The following ADGRD1 variants were observed in gnomAD, a reference collection of about 807,000 sequenced individuals.
ADGRD1 encodes the protein G-protein coupled receptor 133.
ADGRD1 carries 77 observed loss-of-function variants against 113.4 expected under a neutral mutation model. That is an observed-to-expected ratio of 0.68 (90% CI 0.57 to 0.82). ADGRD1 has a LOEUF of 0.82. Ranked by LOEUF, ADGRD1 falls within the 40% of genes least tolerant of loss-of-function variation. The pLI, the probability that ADGRD1 is intolerant of heterozygous loss-of-function variation, is 0.00. For synonymous variants in ADGRD1, 474 were observed against 475.0 expected, an observed-to-expected ratio of 1.00 and a Z score of 0.03; for missense variants, 1,036 against 1,139.1, an observed-to-expected ratio of 0.91 and a Z score of 1.30.
intron 13 of ADGRD1, among the ~76,000 whole-genome samples, chr12:131,039,252 C>T (rs1438866085): frequency 2.6e-5 from 4 of 152,048 alleles, no homozygotes; most frequent in Non-Finnish European, 4.4e-5. Context: ...CCCGCTGAGC[C>T]GGGACGGTGC....
In ADGRD1 at chr12:131,003,644, C is replaced by T. The variant is rs2136735305; in HGVS notation, c.1144+342C>T. Among the ~76,000 whole-genome samples, 1 of 152,336 alleles carries T rather than the reference C, an allele frequency of 6.6e-6. No homozygotes were observed. The highest frequency in any genetic ancestry group is 1.9e-4 in the East Asian group (1 of 5,182). ...GCCTCGGGTTTCTGGCGTCAGCTTG[C>T]TCTCAGCTGGGCTCCAGGGTAATTG... is the stretch of plus-strand genomic sequence containing the variant. On this transcript the variant is annotated intron_variant, in intron 10 of 24. Transcript: ENST00000261654. The surrounding 1 kb of genome is among the most constrained non-coding windows in gnomAD (Gnocchi z 4.8).
intron 8 of ADGRD1, among the ~76,000 whole-genome samples, chr12:130,999,125 A>T (rs1412330303): frequency 1.3e-5 from 2 of 152,206 alleles, no homozygotes; most frequent in East Asian, 3.8e-4. Flanking sequence ...GGCCCATATT[A>T]TGTTTCTGTG....
chr12:131,062,324 GA>G (rs1884397295), intron 13 of ADGRD1, among the ~76,000 whole-genome samples: 1 of 152,166 alleles, frequency 6.6e-6, no homozygotes, highest in African/African-American at 2.4e-5. Flanking sequence ...TTTGCCCACT[GA>G]AGGATGTTTT....
rs1880085266 is a variant in ADGRD1 at position 131,027,365 on chromosome 12, C to T, written c.1473+13025C>T. 6.6e-6 allele frequency: 1 copy of T among 152,154 alleles called. No individual in the cohort carries two copies. Among genetic ancestry groups the T allele is most frequent in the African/African-American group, 2.4e-5 (1 of 41,422 alleles). The allele number at this position is 152,154 out of a possible 1,614,324, so 9.4% of individuals were successfully genotyped here. A position where few individuals can be genotyped will look rare whatever the true frequency, so the allele number is the denominator to read the frequency against. ...TTCTGCTATCCGTGCCGTTTCGCAG[C>T]TTCAGTTTTTAAATTTACCATGTCT... On this transcript the variant is annotated intron_variant, in intron 13 of 24. Coordinates refer to ENST00000261654, the MANE Select transcript of ADGRD1 (RefSeq NM_198827.5). The surrounding 1 kb of genome is among the most constrained non-coding windows in gnomAD (Gnocchi z 5.1).
In ADGRD1 at chr12:131,084,623, T is replaced by C. The variant is rs1249405984; in HGVS notation, c.1631T>C (p.Leu544Pro). The C allele has an allele frequency of 2.5e-6, 4 of 1,614,076 alleles. No homozygotes were observed. Among genetic ancestry groups the C allele is most frequent in the East Asian group, 2.2e-5 (1 of 44,870 alleles). The change falls in exon 15 of 25, where the codon CTC becomes CCC. Residue 544 changes from leucine to proline, a missense_variant. Leu to Pro is a moderately conservative substitution (Grantham distance 98, BLOSUM62 -3). Transcript: ENST00000261654. The surrounding 1 kb of genome is among the most constrained non-coding windows in gnomAD (Gnocchi z 4.5). ...LTYSVCRCTH[L>P]TNFAILMQVV... Reference sequence around the variant, plus strand: ...TACTCCGTCTGCCGCTGCACTCACCTCACCAACTTTGCCATCCTCATGCAG... The same window carrying C: ...TACTCCGTCTGCCGCTGCACTCACCCCACCAACTTTGCCATCCTCATGCAG...
intron 12 of ADGRD1, among the ~76,000 whole-genome samples, chr12:131,010,504 A>C (rs1450936945): frequency 6.6e-6 from 1 of 152,108 alleles, no homozygotes; most frequent in East Asian, 1.9e-4. Context: ...TGAGTTCCTG[A>C]GCCGGTCTTC....
rs1250495148 is a variant in ADGRD1 at position 131,137,962 on chromosome 12, G to T, written c.2437-175G>T. 13 of 618,004 alleles carry T rather than the reference G, an allele frequency of 2.1e-5. No homozygotes were observed. In the Admixed American group the frequency reaches 3.1e-4, roughly 15 times the overall value. The allele number at this position is 618,004 out of a possible 1,614,324, so 38.3% of individuals were successfully genotyped here. A position where few individuals can be genotyped will look rare whatever the true frequency, so the allele number is the denominator to read the frequency against. ...CTGGCCTGCGATACAACCTGGCTCTGCCCCACAGAGCAGCGATGCACAGCT... is the reference window on the plus strand; with the variant it reads ...CTGGCCTGCGATACAACCTGGCTCTTCCCCACAGAGCAGCGATGCACAGCT... On this transcript the variant is annotated intron_variant, in intron 23 of 24. Transcript: ENST00000261654.
chr12:130,989,083 C>T (rs933278792), intron 6 of ADGRD1: 1 of 152,194 alleles, frequency 6.6e-6, no homozygotes, highest in Non-Finnish European at 1.5e-5. Context: ...CTTCCAGCTT[C>T]CACCCAGGAA....
At position 131,105,770 on chromosome 12, in the gene ADGRD1, C is replaced by T. The variant is rs762370195; in HGVS notation, c.1792C>T (p.Arg598Trp). The T allele has an allele frequency of 1.7e-5, 28 of 1,601,166 alleles. No homozygotes were observed. The highest frequency in any genetic ancestry group is 6.6e-5 in the South Asian group (6 of 91,004). Reference sequence around the variant, plus strand: ...TGTCCTCAGCTCCGTGAGCACCATCCGGAACCAGCGCTACCACATCCACGC... The same window carrying T: ...TGTCCTCAGCTCCGTGAGCACCATCTGGAACCAGCGCTACCACATCCACGC... ...FAVLSSVSTI[R>W]NQRYHIHANL... Residue 598 changes from arginine to tryptophan, a missense_variant, in exon 17 of 25, where the codon CGG becomes TGG. Coordinates refer to ENST00000261654, the MANE Select transcript of ADGRD1 (RefSeq NM_198827.5).
chr12:131,115,758 ACAG>A (rs1238881271), intron 18 of ADGRD1, among the ~76,000 whole-genome samples: 5 of 152,188 alleles, frequency 3.3e-5, no homozygotes, highest in African/African-American at 1.2e-4. Context: ...GTTTCAGATG[ACAG>A]CAGTGGTGGG....
Position 130,992,364 on chromosome 12 carries a change from C to G in ADGRD1, c.938C>G (p.Ser313Trp). The change falls in exon 8 of 25, where the codon TCG (serine) becomes TGG (tryptophan). Residue 313 changes from serine to tryptophan, a missense_variant. Transcript: ENST00000261654. Reference sequence around the variant, plus strand: ...CTCAGCTTACCCAGTAAGTCCCTCTCGGAGCAGACAGCCTTGAATCTCACC... The same window carrying G: ...CTCAGCTTACCCAGTAAGTCCCTCTGGGAGCAGACAGCCTTGAATCTCACC... ...VSLSLPSKSL[S>W]EQTALNLTKT... 2.5e-6 allele frequency: 4 copies of G among 1,613,798 alleles called. No individual in the cohort carries two copies. Among genetic ancestry groups the G allele is most frequent in the Non-Finnish European group, 3.4e-6 (4 of 1,179,820 alleles).
intron 2 of ADGRD1, among the ~76,000 whole-genome samples, chr12:130,960,665 A>T (rs76499850): frequency 0.6 from 90,960 of 151,576 alleles, 27,807 homozygotes; most frequent in East Asian, 0.93. Flanking sequence ...TCTCTCTCAC[A>T]CACACACACA....
chr12:131,037,268 T>C (rs1881586454), intron 13 of ADGRD1, among the ~76,000 whole-genome samples: 2 of 136,834 alleles, frequency 1.5e-5, no homozygotes, highest in East Asian at 2.3e-4. Flanking sequence ...CTACACCAGG[T>C]CTCAGTCACT....
At chr12:131,012,095 C>T (rs1280498627) in intron 12 of ADGRD1, among the ~76,000 whole-genome samples, 1 of 152,046 alleles carries the variant, frequency 6.6e-6, no homozygotes, top group Non-Finnish European at 1.5e-5. Flanking sequence ...AGATACTACC[C>T]GGGTCTGCGG....
intron 13 of ADGRD1, among the ~76,000 whole-genome samples, chr12:131,065,787 C>G: frequency 6.6e-6 from 1 of 152,154 alleles, no homozygotes; most frequent in Non-Finnish European, 1.5e-5. Context: ...GTTTGCCTCT[C>G]TCTTCCCCAC....
chr12:131,112,371 A>G (rs1185681453), intron 18 of ADGRD1, among the ~76,000 whole-genome samples: 1 of 152,170 alleles, frequency 6.6e-6, no homozygotes, highest in Non-Finnish European at 1.5e-5. Flanking sequence ...GGGGCACATG[A>G]TGCTCTACAG....
intron 8 of ADGRD1, among the ~76,000 whole-genome samples, chr12:130,997,837 G>T (rs1388153182): frequency 6.6e-6 from 1 of 152,198 alleles, no homozygotes; most frequent in African/African-American, 2.4e-5. Context: ...CGGCACTTTG[G>T]GAGGCCAAGG....
chr12:131,137,964 C>T, intron 23 of ADGRD1, 173 bp from the exon 24 acceptor site: 2 of 621,536 alleles, frequency 3.2e-6, no homozygotes, highest in Non-Finnish European at 5.8e-6. Flanking sequence ...CTGGCTCTGC[C>T]CCACAGAGCA....
intron 11 of ADGRD1, 125 bp downstream of exon 11, chr12:131,004,421 T>TGCTCCCCCGGGCCGCCTGCGGG: frequency 1.3e-6 from 1 of 748,822 alleles, no homozygotes; most frequent in Non-Finnish European, 2.2e-6. Flanking sequence ...CCGCCTGCGG[T>TGCTCCCCCGGGCCGCCTGCGGG]GCTCCCCCGG....
Sources: gnomAD v4.1 joint callset for allele counts (sites outside exome capture counted in the v4.1 genomes callset) on GRCh38, gnomAD v4.1.1 for gene constraint, Gnocchi (gnomAD v3.1) non-coding constraint, MANE v1.5 for transcripts, NCBI Gene and HGNC (gene_info 2026-07-23, HGNC 2026-07-21) for gene names.